The following ATG14 variants were observed in gnomAD, a reference collection of about 807,000 sequenced individuals.
ATG14 encodes the protein autophagy related 14, also known as beclin 1-associated autophagy-related key regulator.
Under a neutral mutation model 60.4 loss-of-function variants are expected in ATG14, and 35 were observed. That is an observed-to-expected ratio of 0.58 (90% CI 0.44 to 0.77). The LOEUF is 0.77. Ranked by LOEUF, ATG14 falls within the 30% of genes least tolerant of loss-of-function variation. The pLI is 0.00. For missense variants in ATG14, 647 were observed against 626.3 expected, an observed-to-expected ratio of 1.03 and a Z score of -0.35; for synonymous variants, 234 against 228.8, an observed-to-expected ratio of 1.02 and a Z score of -0.21.
intron 1 of ATG14, among the ~76,000 whole-genome samples, chr14:55,404,171 A>G (rs963310424): frequency 4.6e-5 from 7 of 152,216 alleles, no homozygotes; most frequent in Admixed American, 3.9e-4. Context: ...TAAGTTTTCC[A>G]TTTTAAGACA....
intron 5 of ATG14, among the ~76,000 whole-genome samples, chr14:55,385,506 TGG>T (rs1292835474): frequency 6.6e-6 from 1 of 152,240 alleles, no homozygotes; most frequent in African/African-American, 2.4e-5. Context: ...TTGGCCAGGT[TGG>T]TCTCAAACTC....
intron 9 of ATG14, among the ~76,000 whole-genome samples, chr14:55,370,646 T>C (rs1339412375): frequency 6.9e-6 from 1 of 144,996 alleles, no homozygotes; most frequent in Admixed American, 6.9e-5. Flanking sequence ...TCTGCATTTC[T>C]TTTTTTTTTT....
At position 55,381,981 on chromosome 14, in the gene ATG14, C is replaced by T; in HGVS notation, c.858G>A (p.Lys286=). The T allele has an allele frequency of 6.2e-7, 1 of 1,614,134 alleles. No homozygotes were observed. The highest frequency in any genetic ancestry group is 8.5e-7 in the Non-Finnish European group (1 of 1,179,974). Residue 286 remains lysine (K), a synonymous_variant, in exon 6 of 10, where the codon AAG becomes AAA. Coordinates refer to ENST00000247178, the MANE Select transcript of ATG14 (RefSeq NM_014924.5). ...YSAYYSWVEE[K]KTTQGPDMEQ... is the part of the protein sequence containing the mutation. ...TCTCACCAGGCCCCTGGGTTGTTTTCTTCTCCTCCACCCAGCTGTAGTAGG... is the reference window on the plus strand; with the variant it reads ...TCTCACCAGGCCCCTGGGTTGTTTTTTTCTCCTCCACCCAGCTGTAGTAGG...
At chr14:55,411,376 C>T (rs750420076) in intron 1 of ATG14, among the ~76,000 whole-genome samples, 26 of 152,340 alleles carry the variant, frequency 1.7e-4, no homozygotes, top group Admixed American at 2.6e-4. Flanking sequence ...TGGGGTCAAA[C>T]TCCTCTTGGG....
At chr14:55,386,407 C>G (rs896608454) in intron 4 of ATG14, among the ~76,000 whole-genome samples, 2 of 152,134 alleles carry the variant, frequency 1.3e-5, no homozygotes, top group African/African-American at 2.4e-5. Flanking sequence ...CAGTGTGCAC[C>G]AAAGAATAGT....
At chr14:55,379,330 G>A (rs923863599) in intron 7 of ATG14, among the ~76,000 whole-genome samples, 1 of 151,864 alleles carries the variant, frequency 6.6e-6, no homozygotes, top group East Asian at 2.0e-4. Context: ...GAGCCCAGGA[G>A]TTCAAGACCA....
chr14:55,385,909 T>C lies in ATG14; in HGVS notation c.597A>G (p.Leu199=), dbSNP rs199669990. Residue 199 remains leucine, a synonymous_variant, in exon 5 of 10, where the codon TTA becomes TTG. Transcript: ENST00000247178. Reference sequence around the variant, plus strand: ...TTGGAAAAATGACAGAGGTGAGCTCTAATATATGGGATCGTCGAAGATTTG... The same window carrying C: ...TTGGAAAAATGACAGAGGTGAGCTCCAATATATGGGATCGTCGAAGATTTG... ...RLANLRRSHI[L]ELTSVIFPIE... The C allele has an allele frequency of 1.2e-5, 19 of 1,614,074 alleles. No individual in the cohort carries two copies. The highest frequency in any genetic ancestry group is 1.6e-5 in the Non-Finnish European group (19 of 1,180,040).
At chr14:55,375,309 G>C (rs907869203) in intron 9 of ATG14, among the ~76,000 whole-genome samples, 2 of 152,012 alleles carry the variant, frequency 1.3e-5, no homozygotes, top group African/African-American at 4.8e-5. Flanking sequence ...ACACAAGACA[G>C]CAACTGTTTT....
intron 1 of ATG14, among the ~76,000 whole-genome samples, chr14:55,410,414 C>G (rs76630583): frequency 0.058 from 8,809 of 152,162 alleles, 340 homozygotes; most frequent in South Asian, 0.085. Context: ...TCTCATACCC[C>G]GTATTCTTAT....
chr14:55,369,423 A>C lies in ATG14; in HGVS notation c.*196T>G. ...TTCGACCCCTGTTCTCTTAATTATC[A>C]TAAGCATGTTGGTCACCATCACAGG... On this transcript the variant is annotated 3_prime_UTR_variant, in exon 10 of 10. Coordinates refer to ENST00000247178, the MANE Select transcript of ATG14 (RefSeq NM_014924.5). 4 of 469,352 alleles carry C rather than the reference A, an allele frequency of 8.5e-6. No homozygotes were observed. Among genetic ancestry groups the C allele is most frequent in the Non-Finnish European group, 1.1e-5 (3 of 276,514 alleles). 29.1% of individuals were successfully genotyped at this position (469,352 alleles called of 1,614,324 possible). A position where few individuals can be genotyped will look rare whatever the true frequency, so the allele number is the denominator to read the frequency against.
intron 1 of ATG14, among the ~76,000 whole-genome samples, chr14:55,409,550 G>A (rs1390187505): frequency 2.8e-5 from 4 of 145,058 alleles, no homozygotes; most frequent in Non-Finnish European, 4.6e-5. Context: ...TCTAACGTAT[G>A]AGCAGGCACC....
intron 9 of ATG14, among the ~76,000 whole-genome samples, chr14:55,374,281 A>G (rs1015479101): frequency 1.3e-5 from 2 of 152,198 alleles, no homozygotes; most frequent in Non-Finnish European, 2.9e-5. Context: ...GCTATTCACA[A>G]AAGTGATCAC....
Position 55,380,579 on chromosome 14 carries a change from C to A in ATG14, c.989G>T (p.Cys330Phe), listed in dbSNP as rs1417729943. The A allele has an allele frequency of 1.1e-5, 17 of 1,602,868 alleles. No individual in the cohort carries two copies. In the East Asian group the frequency reaches 3.6e-4, roughly 34 times the overall value. The change falls in exon 7 of 10, where the codon TGC becomes TTC. Residue 330 changes from cysteine (C) to phenylalanine (F), a missense_variant. Transcript: ENST00000247178. ...ILDVNLPKKL[C>F]NSEFCGENLS... is the part of the protein sequence containing the mutation. ...ACCACCTTCAATTACTTGCCTGTTG[C>A]AGAGCTTTTTGGGAAGATTTACATC...
At chr14:55,387,904 C>A (rs1267926039) in intron 4 of ATG14, among the ~76,000 whole-genome samples, 2 of 152,156 alleles carry the variant, frequency 1.3e-5, no homozygotes, top group African/African-American at 4.8e-5. Flanking sequence ...CAATGTGATC[C>A]GCCCGCCTCG....
At chr14:55,391,240 C>T in intron 3 of ATG14, 1 of 313,410 alleles carries the variant, frequency 3.2e-6, no homozygotes. Context: ...CTTTGGGAGG[C>T]CAAGGAGGGC....
At chr14:55,387,430 C>T (rs1457402428) in intron 4 of ATG14, among the ~76,000 whole-genome samples, 2 of 152,130 alleles carry the variant, frequency 1.3e-5, no homozygotes, top group Non-Finnish European at 2.9e-5. Context: ...TTCAGGAAGG[C>T]CCCCCTCCAT....
chr14:55,375,309 G>T (rs907869203), intron 9 of ATG14, among the ~76,000 whole-genome samples: 2 of 152,012 alleles, frequency 1.3e-5, no homozygotes, highest in Non-Finnish European at 2.9e-5. Context: ...ACACAAGACA[G>T]CAACTGTTTT....
At chr14:55,370,056 TGCA>T in intron 9 of ATG14, 131 bp from the exon 10 acceptor site, 1 of 727,876 alleles carries the variant, frequency 1.4e-6, no homozygotes, top group Non-Finnish European at 2.1e-6. Context: ...CCCAAGTCTA[TGCA>T]GCACTCCGTG....
At chr14:55,394,517 G>T (rs1465911708) in intron 3 of ATG14, among the ~76,000 whole-genome samples, 1 of 152,092 alleles carries the variant, frequency 6.6e-6, no homozygotes, top group African/African-American at 2.4e-5. Flanking sequence ...TTCACACATT[G>T]ATAAGCTGTT....
Sources: allele counts gnomAD v4.1 joint callset (sites outside exome capture counted in the v4.1 genomes callset), GRCh38; gene constraint gnomAD v4.1.1; transcripts MANE v1.5; gene names NCBI Gene and HGNC (gene_info 2026-07-23, HGNC 2026-07-21).